MDN1: variants seen among roughly 807,000 people sequenced by gnomAD.
MDN1 encodes midasin.
Under a neutral mutation model 669.2 loss-of-function variants are expected in MDN1, and 266 were observed. The observed-to-expected ratio is 0.40, with a 90% CI of 0.36 to 0.44. The LOEUF is 0.44. Ranked by LOEUF, MDN1 falls within the 20% of genes least tolerant of loss-of-function variation. The pLI is 1.00. For missense variants in MDN1, 5,940 were observed against 6,754.0 expected, an observed-to-expected ratio of 0.88 and a Z score of 4.22; for synonymous variants, 2,385 against 2,457.1, an observed-to-expected ratio of 0.97 and a Z score of 0.87.
In MDN1 at chr6:89,652,246, C is replaced by T. The variant is rs1808927272; in HGVS notation, c.15861G>A (p.Glu5287=). Residue 5287 remains glutamate, a synonymous_variant, in exon 95 of 102, where the codon GAG becomes GAA. Coordinates refer to ENST00000369393, the MANE Select transcript of MDN1 (RefSeq NM_014611.3). ...GCCACATTTCCAGCTGTCTCTCCAG[C>T]TCCTGTCTTAGCTCATTGACATCTT... ...FLKDVNELRQ[E]LERQLEMWQP... is the part of the protein sequence containing the mutation. The T allele has an allele frequency of 6.2e-7, 1 of 1,613,956 alleles. No homozygotes were observed. The highest frequency in any genetic ancestry group is 1.3e-5 in the African/African-American group (1 of 74,924).
At chr6:89,682,426 C>G (rs754997122) in intron 73 of MDN1, among the ~76,000 whole-genome samples, 1 of 151,990 alleles carries the variant, frequency 6.6e-6, no homozygotes, top group African/African-American at 2.4e-5. Context: ...ACTAAAAGTT[C>G]GGCCAGGAGC....
chr6:89,692,493 T>A lies in MDN1; in HGVS notation c.10537A>T (p.Lys3513Ter), dbSNP rs1234659715. 6.2e-7 allele frequency: 1 copy of A among 1,614,154 alleles called. No individual in the cohort carries two copies. Residue 3513 changes from lysine to a stop codon, truncating the protein, a stop_gained, in exon 63 of 102, where the codon AAG (lysine) becomes TAG (stop). Coordinates refer to ENST00000369393, the MANE Select transcript of MDN1 (RefSeq NM_014611.3). LOFTEE classifies it high-confidence loss of function. ...LLYLRSHVLC[K>*]GELDQRALQL... ...AGGGCCCTCTGGTCCAACTCTCCCTTGCATAACACGTGGGAGCGCAGGTAA... is the reference window on the plus strand; with the variant it reads ...AGGGCCCTCTGGTCCAACTCTCCCTAGCATAACACGTGGGAGCGCAGGTAA...
chr6:89,790,013 G>GTAAA, intron 6 of MDN1, 102 bp from the exon 7 acceptor site: 1 of 1,580,380 alleles, frequency 6.3e-7, no homozygotes, highest in South Asian at 1.1e-5. Flanking sequence ...GTGTAAGTAA[G>GTAAA]TAGGCACTTG....
intron 33 of MDN1, among the ~76,000 whole-genome samples, chr6:89,736,955 A>G (rs12175328): frequency 0.18 from 27,690 of 152,084 alleles, 2,580 homozygotes; most frequent in East Asian, 0.22. Context: ...GCTTTGTTAG[A>G]CAGACAAATT....
rs1818594648 is a variant in MDN1, at chr6:89,780,204, T to C, written c.1725+8A>G. The C allele has an allele frequency of 6.6e-7, 1 of 1,514,046 alleles. No individual in the cohort carries two copies. Among genetic ancestry groups the C allele is most frequent in the Non-Finnish European group, 8.9e-7 (1 of 1,119,866 alleles). 93.8% of individuals were successfully genotyped at this position (1,514,046 alleles called of 1,614,324 possible). A position where few individuals can be genotyped will look rare whatever the true frequency, so the allele number is the denominator to read the frequency against. On this transcript the variant is annotated splice_region_variant and intron_variant, in intron 11 of 101. Transcript: ENST00000369393. ...CAAGACAAAAAAGACTGGAAAACTATATCTTACCTCTTGAAAAATATTTAA... is the reference window on the plus strand; with the variant it reads ...CAAGACAAAAAAGACTGGAAAACTACATCTTACCTCTTGAAAAATATTTAA...
chr6:89,730,946 A>C (rs1167810416), intron 34 of MDN1, 23 bp from the exon 35 acceptor site: 1 of 1,606,662 alleles, frequency 6.2e-7, no homozygotes, highest in Non-Finnish European at 8.5e-7. Context: ...GGATCAGTCC[A>C]TGAAGCAACA....
In MDN1 at chr6:89,712,239, A is replaced by G; in HGVS notation, c.7448T>C (p.Leu2483Ser). 2.5e-6 allele frequency: 4 copies of G among 1,613,974 alleles called. No individual in the cohort carries two copies. Among genetic ancestry groups the G allele is most frequent in the Non-Finnish European group, 3.4e-6 (4 of 1,179,878 alleles). ...CTGCATAATTTTCTCTAAGTCTTGC[A>G]AGGTAAAAGGCTGACTCCTGAAATT... ...SSWTRSQPFT[L>S]QDLEKIMQSP... The change falls in exon 49 of 102, where the codon TTG becomes TCG. Residue 2483 changes from leucine to serine, a missense_variant. Physicochemically the swap from Leu to Ser is moderately radical, Grantham distance 145 (BLOSUM62 -2). Coordinates refer to ENST00000369393, the MANE Select transcript of MDN1 (RefSeq NM_014611.3).
chr6:89,816,359 C>T (rs572432593), intron 1 of MDN1, among the ~76,000 whole-genome samples: 2 of 151,916 alleles, frequency 1.3e-5, no homozygotes, highest in African/African-American at 4.8e-5. Flanking sequence ...GAGATCGCGC[C>T]GCTGCAGTCC....
chr6:89,804,672 TAATA>T (rs1211227249), intron 1 of MDN1, among the ~76,000 whole-genome samples: 1 of 152,142 alleles, frequency 6.6e-6, no homozygotes, highest in African/African-American at 2.4e-5. Context: ...CATCAGCCTC[TAATA>T]AATAAACAAA....
intron 101 of MDN1, 58 bp from the exon 102 acceptor site, chr6:89,644,251 T>A: frequency 7.0e-7 from 1 of 1,421,624 alleles, no homozygotes; most frequent in Non-Finnish European, 9.6e-7. Context: ...CATCCTTAGC[T>A]AGCTCTTCTG....
chr6:89,778,747 G>A, intron 11 of MDN1, among the ~76,000 whole-genome samples: 1 of 151,812 alleles, frequency 6.6e-6, no homozygotes, highest in Non-Finnish European at 1.5e-5. Context: ...TTAGCTGGGT[G>A]TGGTGGTGGG....
chr6:89,680,778 C>T, intron 73 of MDN1, 27 bp from the exon 74 acceptor site: 1 of 1,605,680 alleles, frequency 6.2e-7, no homozygotes, highest in Non-Finnish European at 8.5e-7. Flanking sequence ...AGGTTAGCCT[C>T]ACTGCCAAGA....
intron 19 of MDN1, among the ~76,000 whole-genome samples, chr6:89,756,776 C>A (rs1817272354): frequency 6.6e-6 from 1 of 151,948 alleles, no homozygotes; most frequent in Admixed American, 6.6e-5. Context: ...CAAGAATTAG[C>A]CAGGTGTGTT....
At chr6:89,808,596 C>T (rs1398775709) in intron 1 of MDN1, among the ~76,000 whole-genome samples, 2 of 152,144 alleles carry the variant, frequency 1.3e-5, no homozygotes, top group Non-Finnish European at 2.9e-5. Flanking sequence ...CACCAGACCC[C>T]ATATCCCTAG....
Position 89,723,030 on chromosome 6 carries a change from A to AG in MDN1, c.5891dup (p.Gly1965TrpfsTer4). On this transcript the variant is annotated frameshift_variant, in exon 40 of 102. Transcript: ENST00000369393. LOFTEE classifies it high-confidence loss of function. ...CATGCTGACCAGGATCATAACACCCAGGGGACTGGTCAACCAGCATCAACT... is the reference window on the plus strand; with the variant it reads ...CATGCTGACCAGGATCATAACACCCAGGGGGACTGGTCAACCAGCATCAACT... The AG allele has an allele frequency of 6.2e-7, 1 of 1,614,072 alleles. No homozygotes were observed. The highest frequency in any genetic ancestry group is 8.5e-7 in the Non-Finnish European group (1 of 1,179,954).
chr6:89,730,726 C>T lies in MDN1; in HGVS notation c.5140G>A (p.Gly1714Arg). The change falls in exon 35 of 102, where the codon GGA becomes AGA. Residue 1714 changes from glycine to arginine, a missense_variant and splice_region_variant. Gly to Arg is a moderately radical substitution (Grantham distance 125). Coordinates refer to ENST00000369393, the MANE Select transcript of MDN1 (RefSeq NM_014611.3). ...WGIHPFFIPR[G>R]PVLHRNNIAD... ...TTCATTTTTTAAAAATCATTCTTACCCCTTGGTATAAAAAATGGATGAATT... is the reference window on the plus strand; with the variant it reads ...TTCATTTTTTAAAAATCATTCTTACTCCTTGGTATAAAAAATGGATGAATT... The T allele has an allele frequency of 6.2e-7, 1 of 1,610,018 alleles. No homozygotes were observed.
chr6:89,749,473 C>T, intron 25 of MDN1, 70 bp downstream of exon 25: 2 of 1,592,756 alleles, frequency 1.3e-6, no homozygotes, highest in Non-Finnish European at 1.7e-6. Flanking sequence ...AAAAACATTT[C>T]ATTCTTACTA....
At chr6:89,772,268 C>A (rs1000241443) in intron 14 of MDN1, among the ~76,000 whole-genome samples, 2 of 151,926 alleles carry the variant, frequency 1.3e-5, no homozygotes, top group African/African-American at 4.8e-5. Flanking sequence ...AACAGTGCGA[C>A]CCTGTCTCAA....
At position 89,694,108 on chromosome 6, in the gene MDN1, C is replaced by T; in HGVS notation, c.9847G>A (p.Glu3283Lys). 1 of 1,614,238 alleles carries T rather than the reference C, an allele frequency of 6.2e-7. No homozygotes were observed. The highest frequency in any genetic ancestry group is 1.1e-5 in the South Asian group (1 of 91,082). ...QLQTGRDLED[E>K]VVVSYSHPHV... ...GGATGAGAGTAGCTGACAACGACTT[C>T]ATCTTCCAGGTCTCTTCCAGTCTGC... Residue 3283 changes from glutamate to lysine, a missense_variant, in exon 62 of 102, where the codon GAA becomes AAA. Physicochemically the swap from Glu to Lys is moderately conservative, Grantham distance 56. Around this residue, in one of 5 missense-constraint regions of MDN1, gnomAD observed 2,292 missense variants for 2,638.3 expected, o/e 0.87. Transcript: ENST00000369393.
Sources: allele counts gnomAD v4.1 joint callset (sites outside exome capture counted in the v4.1 genomes callset), GRCh38; gene constraint gnomAD v4.1.1; regional missense constraint gnomAD v4.1.1; transcripts MANE v1.5; gene names NCBI Gene and HGNC (gene_info 2026-07-23, HGNC 2026-07-21).